The following SLC39A9 variants were observed in gnomAD, a reference collection of about 807,000 sequenced individuals.
SLC39A9 encodes the protein zinc transporter ZIP9.
In SLC39A9, 14 loss-of-function variants were observed where a neutral mutation model predicts 28.4. The ratio of observed to expected loss-of-function variants is 0.49; its 90% confidence interval spans 0.33 to 0.77. The LOEUF (loss-of-function observed/expected upper bound fraction) is 0.77. Ranked by LOEUF, SLC39A9 falls within the 30% of genes least tolerant of loss-of-function variation. SLC39A9 has a pLI of 0.02. For missense variants in SLC39A9, 283 were observed against 381.1 expected (o/e 0.74, Z 2.14); for synonymous variants, 119 against 149.6 (o/e 0.80, Z 1.49).
intron 1 of SLC39A9, among the ~76,000 whole-genome samples, chr14:69,408,150 T>C: frequency 6.6e-6 from 1 of 152,098 alleles, no homozygotes; most frequent in Non-Finnish European, 1.5e-5. Flanking sequence ...GTAGCTGAGA[T>C]TACGGCTGCC....
chr14:69,457,981 T>A (rs1269129409), intron 6 of SLC39A9, among the ~76,000 whole-genome samples: 1 of 152,190 alleles, frequency 6.6e-6, no homozygotes, highest in Non-Finnish European at 1.5e-5. Flanking sequence ...GTGGTACATA[T>A]CAAAATTGCT....
At chr14:69,451,034 C>G (rs996114635) in intron 3 of SLC39A9, among the ~76,000 whole-genome samples, 1 of 152,088 alleles carries the variant, frequency 6.6e-6, no homozygotes, top group Non-Finnish European at 1.5e-5. Context: ...AATTTTAAAG[C>G]CTCTAATTGT....
Position 69,462,291 on chromosome 14 carries a change from T to C in SLC39A9, c.*3698T>C, listed in dbSNP as rs952666766. ...CCCTTGTAAACATGAAATCATTCCA[T>C]GGATGGCTGCCTTATAATTTTGTCT... On this transcript the variant is annotated 3_prime_UTR_variant, in exon 7 of 7. Transcript: ENST00000336643. The C allele has an allele frequency of 6.6e-6, 1 of 152,272 alleles. No individual in the cohort carries two copies. Among genetic ancestry groups the C allele is most frequent in the African/African-American group, 2.4e-5 (1 of 41,460 alleles). 9.4% of individuals were successfully genotyped at this position (152,272 alleles called of 1,614,324 possible).
intron 2 of SLC39A9, among the ~76,000 whole-genome samples, chr14:69,441,247 G>A (rs763880233): frequency 1.3e-5 from 2 of 152,152 alleles, no homozygotes; most frequent in African/African-American, 2.4e-5. Flanking sequence ...CACCACTGCT[G>A]TACTCCAGCC....
chr14:69,450,667 A>G (rs1054636353), intron 3 of SLC39A9, among the ~76,000 whole-genome samples: 1 of 152,096 alleles, frequency 6.6e-6, no homozygotes, highest in Non-Finnish European at 1.5e-5. Context: ...AATCACAGCT[A>G]CTCAGGTGGC....
At chr14:69,410,462 G>A (rs1883204907) in intron 1 of SLC39A9, among the ~76,000 whole-genome samples, 1 of 152,190 alleles carries the variant, frequency 6.6e-6, no homozygotes, top group Non-Finnish European at 1.5e-5. Context: ...AATACTAGTA[G>A]CAGTAGCCCC....
At chr14:69,439,535 T>C (rs1002000178) in intron 2 of SLC39A9, among the ~76,000 whole-genome samples, 4 of 152,174 alleles carry the variant, frequency 2.6e-5, no homozygotes, top group African/African-American at 9.7e-5. Context: ...CAAAGTGATC[T>C]ACAGATTTAA....
At chr14:69,449,100 G>T (rs1594946330) in intron 3 of SLC39A9, among the ~76,000 whole-genome samples, 2 of 152,222 alleles carry the variant, frequency 1.3e-5, no homozygotes, top group African/African-American at 2.4e-5. Context: ...TTTTGGTCTA[G>T]AACGGTTTTT....
chr14:69,402,018 G>A (rs1243959907), intron 1 of SLC39A9, among the ~76,000 whole-genome samples: 2 of 152,062 alleles, frequency 1.3e-5, no homozygotes, highest in Non-Finnish European at 2.9e-5. Context: ...TCTTTCCTTA[G>A]AAAATAATTC....
chr14:69,449,894 A>G (rs1225213173), intron 3 of SLC39A9, among the ~76,000 whole-genome samples: 1 of 151,986 alleles, frequency 6.6e-6, no homozygotes, highest in East Asian at 1.9e-4. Context: ...TGCTTATGCA[A>G]GAAAGGAAGG....
intron 4 of SLC39A9, among the ~76,000 whole-genome samples, chr14:69,454,228 T>G (rs767950934): frequency 6.8e-4 from 104 of 152,240 alleles, no homozygotes; most frequent in Non-Finnish European, 1.3e-3. Flanking sequence ...AGTGTTTACT[T>G]ATTAAGTAGT....
intron 1 of SLC39A9, among the ~76,000 whole-genome samples, chr14:69,412,530 A>G (rs75771571): frequency 1.3e-5 from 2 of 152,130 alleles, no homozygotes; most frequent in East Asian, 3.8e-4. Flanking sequence ...TATGAGGTCT[A>G]TTTCCTGGCA....
intron 3 of SLC39A9, among the ~76,000 whole-genome samples, chr14:69,446,947 T>TATAG (rs1301828860): frequency 8.5e-5 from 11 of 129,340 alleles, no homozygotes; most frequent in Admixed American, 1.6e-4. Flanking sequence ...TATATATATA[T>TATAG]AGAGAGAGAG....
At chr14:69,418,741 G>A (rs1268724231) in intron 1 of SLC39A9, among the ~76,000 whole-genome samples, 2 of 152,148 alleles carry the variant, frequency 1.3e-5, no homozygotes, top group Non-Finnish European at 2.9e-5. Context: ...TCTTGGGAGG[G>A]TGTATGTGTC....
At chr14:69,413,351 G>A (rs929951912) in intron 1 of SLC39A9, among the ~76,000 whole-genome samples, 5 of 149,942 alleles carry the variant, frequency 3.3e-5, no homozygotes, top group East Asian at 1.9e-4. Flanking sequence ...GCGAGACTCC[G>A]TCTCAAAAAA....
chr14:69,417,321 T>G (rs957150796), intron 1 of SLC39A9, among the ~76,000 whole-genome samples: 4 of 152,176 alleles, frequency 2.6e-5, no homozygotes, highest in Admixed American at 2.0e-4. Flanking sequence ...TGTTCTGTTC[T>G]ATTGGTCTAT....
chr14:69,419,649 G>A (rs1226687693), intron 1 of SLC39A9, among the ~76,000 whole-genome samples: 1 of 152,224 alleles, frequency 6.6e-6, no homozygotes, highest in Non-Finnish European at 1.5e-5. Flanking sequence ...TCTCTTTGCA[G>A]TTCTCTAAGG....
In SLC39A9 at chr14:69,399,326, G is replaced by T. The variant is rs757307343; in HGVS notation, c.-44G>T. 1.3e-6 allele frequency: 2 copies of T among 1,571,614 alleles called. No individual in the cohort carries two copies. The highest frequency in any genetic ancestry group is 1.7e-6 in the Non-Finnish European group (2 of 1,143,814). ...ACCTAAGCACCATTTAAAGCCACTG[G>T]AAATTTGTTGTCTAGTGGTTGTGGG... On this transcript the variant is annotated 5_prime_UTR_variant, in exon 1 of 7. Transcript: ENST00000336643.
chr14:69,423,745 A>G (rs1159290277), intron 1 of SLC39A9, among the ~76,000 whole-genome samples: 2 of 152,036 alleles, frequency 1.3e-5, no homozygotes, highest in Non-Finnish European at 2.9e-5. Context: ...TGAAAATACA[A>G]AAATTAGCCA....
Sources: gnomAD v4.1 joint callset for allele counts (sites outside exome capture counted in the v4.1 genomes callset) on GRCh38, gnomAD v4.1.1 for gene constraint, MANE v1.5 for transcripts, NCBI Gene and HGNC (gene_info 2026-07-23, HGNC 2026-07-21) for gene names.